The following WNT10A variants were observed in gnomAD, a reference collection of about 807,000 sequenced individuals.
WNT10A encodes the protein protein Wnt-10a.
In WNT10A, 37 loss-of-function variants were observed where a neutral mutation model predicts 36.1. The observed-to-expected ratio is 1.02, with a 90% CI of 0.79 to 1.35. The LOEUF is 1.35. Ranked by LOEUF, WNT10A falls within the 40% of genes most tolerant of loss-of-function variation. The pLI is 0.00. For synonymous variants in WNT10A, 255 were observed against 254.1 expected (o/e 1.00, Z -0.03); for missense variants, 613 against 601.4 (o/e 1.02, Z -0.20).
the WNT10A span, among the ~76,000 whole-genome samples, chr2:218,874,647 C>T: frequency 2.0e-5 from 3 of 152,144 alleles, no homozygotes. Context: ...GATGGCATAG[C>T]CCAACTTCCA....
chr2:218,882,480 T>G, intron 2 of WNT10A, 57 bp downstream of exon 2: 1 of 1,607,686 alleles, frequency 6.2e-7, no homozygotes, highest in Non-Finnish European at 8.5e-7. Flanking sequence ...CACCTCAGAA[T>G]CTATTCCCAG....
At chr2:218,892,620 G>A (rs1160992057) in intron 3 of WNT10A, among the ~76,000 whole-genome samples, 154 bp from the exon 4 acceptor site, 1 of 152,214 alleles carries the variant, frequency 6.6e-6, no homozygotes. Flanking sequence ...AGGTACAGAA[G>A]TTCTTCTGAC....
At position 218,892,836 on chromosome 2, in the gene WNT10A, C is replaced by T. The variant is rs1308487843; in HGVS notation, c.819C>T (p.Leu273=). 3.8e-6 allele frequency: 6 copies of T among 1,595,410 alleles called. No individual in the cohort carries two copies. The highest frequency in any genetic ancestry group is 3.4e-5 in the Admixed American group (2 of 58,294). ...KCHGTSGSCQ[L]KTCWQVTPEF... ...ACGGCACGTCAGGCAGCTGCCAGCTCAAGACGTGCTGGCAGGTGACGCCCG... is the reference window on the plus strand; with the variant it reads ...ACGGCACGTCAGGCAGCTGCCAGCTTAAGACGTGCTGGCAGGTGACGCCCG... The change falls in exon 4 of 4, where the codon CTC becomes CTT. Residue 273 remains leucine (L), a synonymous_variant. Coordinates refer to ENST00000258411, the MANE Select transcript of WNT10A (RefSeq NM_025216.3).
rs1486889307 is a variant in WNT10A, at chr2:218,893,313, G to A, written c.*42G>A. On this transcript the variant is annotated 3_prime_UTR_variant, in exon 4 of 4. Transcript: ENST00000258411. This position sits in a 1 kb window ranked among gnomAD's most constrained non-coding sequence, Gnocchi z 6.3. The stretch of plus-strand genomic sequence containing the variant: ...TGGGCCCTGATCGAGGTCCCCTCCT[G>A]GAGCCTGGCCCTCTGAGGCTTACGG... The A allele has an allele frequency of 3.3e-6, 5 of 1,525,836 alleles. No individual in the cohort carries two copies. The highest frequency in any genetic ancestry group is 3.5e-6 in the Non-Finnish European group (4 of 1,140,696). The allele number at this position is 1,525,836 out of a possible 1,614,324, so 94.5% of individuals were successfully genotyped here.
upstream of WNT10A, among the ~76,000 whole-genome samples, chr2:218,877,448 C>T (rs1341305777): frequency 3.3e-5 from 5 of 152,188 alleles, no homozygotes; most frequent in Non-Finnish European, 7.3e-5. This position sits in a 1 kb window ranked among gnomAD's most constrained non-coding sequence, Gnocchi z 4.1. Context: ...TGTGCTGTTG[C>T]CCTGCTGCCT....
At chr2:218,884,484 G>A (rs1166724608) in intron 2 of WNT10A, among the ~76,000 whole-genome samples, 1 of 152,060 alleles carries the variant, frequency 6.6e-6, no homozygotes, top group Admixed American at 6.5e-5. Flanking sequence ...TGTGGCTTCC[G>A]CTCCCCAGCT....
chr2:218,876,014 C>T (rs964689090), upstream of WNT10A, among the ~76,000 whole-genome samples: 2 of 152,194 alleles, frequency 1.3e-5, no homozygotes, highest in South Asian at 4.1e-4. Context: ...ATCTCCTTCC[C>T]TCTCCCTCGC....
chr2:218,881,959 CTGAG>C lies in WNT10A; in HGVS notation c.114-196_114-193del, dbSNP rs769957452. On this transcript the variant is annotated intron_variant, in intron 1 of 3. Transcript: ENST00000258411. ...CTTACCTGTGTGGGTGTGCAGCTAG[CTGAG>C]TGAGTTGCACTGGGCAGGATGATTG... 1.1e-4 allele frequency among the ~76,000 whole-genome samples: 16 copies of C among 152,270 alleles called. No homozygotes were observed. In the East Asian group the frequency reaches 2.1e-3, roughly 20 times the overall value.
Position 218,880,962 on chromosome 2 carries a change from C to G in WNT10A, c.-34C>G. 6.5e-7 allele frequency: 1 copy of G among 1,546,924 alleles called. No homozygotes were observed. Among genetic ancestry groups the G allele is most frequent in the Non-Finnish European group, 8.7e-7 (1 of 1,145,776 alleles). ...CTCTCCAGTCCCACTGGGCTGTGAG[C>G]CCCCCACTCCCAGCCCGTCAGGGCC... On this transcript the variant is annotated 5_prime_UTR_variant, in exon 1 of 4. Coordinates refer to ENST00000258411, the MANE Select transcript of WNT10A (RefSeq NM_025216.3). This position sits in a 1 kb window ranked among gnomAD's most constrained non-coding sequence, Gnocchi z 7.7.
At chr2:218,884,745 G>A (rs192432202) in intron 2 of WNT10A, among the ~76,000 whole-genome samples, 1 of 152,254 alleles carries the variant, frequency 6.6e-6, no homozygotes, top group East Asian at 1.9e-4. Context: ...AGCCACTCAC[G>A]GTGTCAACCA....
chr2:218,874,689 A>G, the WNT10A span, among the ~76,000 whole-genome samples: 1 of 152,288 alleles, frequency 6.6e-6, no homozygotes, highest in Admixed American at 6.5e-5. Context: ...CCTCCAGTCC[A>G]AATACTGCAA....
the WNT10A span, among the ~76,000 whole-genome samples, chr2:218,875,745 GA>G: frequency 6.6e-6 from 1 of 152,120 alleles, no homozygotes; most frequent in Non-Finnish European, 1.5e-5. Context: ...TTTGAGATAT[GA>G]AAGCCTTTAG....
upstream of WNT10A, among the ~76,000 whole-genome samples, chr2:218,879,170 A>G (rs1184209887): frequency 7.0e-6 from 1 of 142,880 alleles, no homozygotes; most frequent in Non-Finnish European, 1.5e-5. Flanking sequence ...AGGGGGGAGT[A>G]TGCCGTCAGC....
chr2:218,880,886 G>A lies in WNT10A; in HGVS notation c.-110G>A. On this transcript the variant is annotated 5_prime_UTR_variant, in exon 1 of 4. In the 5' UTR this introduces an upstream ATG that the reference lacks. Transcript: ENST00000258411. The surrounding 1 kb of genome is among the most constrained non-coding windows in gnomAD (Gnocchi z 7.7). ...GGGAGCCCTGACCCGAGTCGGAGCTGTGTGTCGCAGCCGCCCCGACCCCCC... is the reference window on the plus strand; with the variant it reads ...GGGAGCCCTGACCCGAGTCGGAGCTATGTGTCGCAGCCGCCCCGACCCCCC... 1 of 1,337,972 alleles carries A rather than the reference G, an allele frequency of 7.5e-7. No homozygotes were observed. The allele number at this position is 1,337,972 out of a possible 1,614,324, so 82.9% of individuals were successfully genotyped here.
At chr2:218,884,909 T>C (rs1377463407) in intron 2 of WNT10A, among the ~76,000 whole-genome samples, 1 of 152,226 alleles carries the variant, frequency 6.6e-6, no homozygotes, top group Non-Finnish European at 1.5e-5. Context: ...TAGGATCCTC[T>C]TAAGTGTGGA....
At chr2:218,876,656 T>C (rs752438488), upstream of WNT10A, among the ~76,000 whole-genome samples, 2 of 152,150 alleles carry the variant, frequency 1.3e-5, no homozygotes, top group Admixed American at 6.5e-5. Context: ...ATGGTCCACA[T>C]AGAGGAGAAA....
intron 3 of WNT10A, among the ~76,000 whole-genome samples, chr2:218,891,122 T>C (rs986166530): frequency 6.6e-6 from 1 of 152,226 alleles, no homozygotes; most frequent in Non-Finnish European, 1.5e-5. Context: ...ATTAACCTTA[T>C]GTTGAGATAT....
chr2:218,891,612 GCCTCCT>G (rs954552180), intron 3 of WNT10A, among the ~76,000 whole-genome samples: 2 of 151,820 alleles, frequency 1.3e-5, no homozygotes, highest in Non-Finnish European at 2.9e-5. Flanking sequence ...TACCAACGGT[GCCTCCT>G]CCTCCTCCTC....
chr2:218,891,031 A>C (rs889338574), intron 3 of WNT10A, among the ~76,000 whole-genome samples: 34 of 152,230 alleles, frequency 2.2e-4, no homozygotes, highest in African/African-American at 7.0e-4. Flanking sequence ...AGTGCTTACT[A>C]TGTGTTAGGC....
Sources: gnomAD v4.1 joint callset for allele counts (sites outside exome capture counted in the v4.1 genomes callset) on GRCh38, gnomAD v4.1.1 for gene constraint, Gnocchi (gnomAD v3.1) non-coding constraint, MANE v1.5 for transcripts, NCBI Gene and HGNC (gene_info 2026-07-23, HGNC 2026-07-21) for gene names.